The following SEC23A variants were observed in gnomAD, a reference collection of about 807,000 sequenced individuals.
SEC23A encodes SEC23 homolog A, COPII component, also known as protein transport protein Sec23A.
A neutral mutation model predicts 103.7 loss-of-function variants in SEC23A; 56 were observed. That is an observed-to-expected ratio of 0.54 (90% confidence interval 0.44 to 0.67). SEC23A has a LOEUF of 0.67. SEC23A is among the 30% of genes least tolerant of loss of function. The probability of loss-of-function intolerance (pLI) is 0.00; values close to 1 mark genes in which losing one functional copy is unlikely to be tolerated. For missense variants in SEC23A, 784 were observed against 936.4 expected, an observed-to-expected ratio of 0.84 and a Z score of 2.12; for synonymous variants, 281 against 293.0, an observed-to-expected ratio of 0.96 and a Z score of 0.42.
intron 18 of SEC23A, 134 bp downstream of exon 18, chr14:39,040,598 G>C: frequency 1.8e-6 from 2 of 1,141,480 alleles, no homozygotes; most frequent in African/African-American, 1.5e-5. Context: ...AGTAAGCACT[G>C]ATACCTTCCC....
chr14:39,091,090 C>A, intron 5 of SEC23A: 1 of 409,408 alleles, frequency 2.4e-6, no homozygotes, highest in Non-Finnish European at 4.6e-6. Flanking sequence ...GGACTTTGGT[C>A]TTTTTGACTA....
chr14:39,067,547 C>A (rs1415525588), intron 9 of SEC23A, among the ~76,000 whole-genome samples: 2 of 151,200 alleles, frequency 1.3e-5, no homozygotes, highest in East Asian at 1.9e-4. Flanking sequence ...AAAAAAAATT[C>A]TTCTTTAAAT....
intron 8 of SEC23A, among the ~76,000 whole-genome samples, chr14:39,075,030 C>T (rs1242842185): frequency 6.6e-6 from 1 of 151,982 alleles, no homozygotes; most frequent in Non-Finnish European, 1.5e-5. Context: ...TGGCATGAAC[C>T]CAAGAGATGG....
At chr14:39,083,121 G>C (rs561367719) in intron 7 of SEC23A, among the ~76,000 whole-genome samples, 1 of 152,086 alleles carries the variant, frequency 6.6e-6, no homozygotes. Flanking sequence ...AGTTTCAAGG[G>C]GTTGGGACTA....
rs1376419962 is a variant in SEC23A, at chr14:39,032,892, A to G, written c.*347T>C. 5.6e-6 allele frequency: 1 copy of G among 177,766 alleles called. No homozygotes were observed. The highest frequency in any genetic ancestry group is 5.8e-5 in the Admixed American group (1 of 17,226). 11.0% of individuals were successfully genotyped at this position (177,766 alleles called of 1,614,324 possible). Reference sequence around the variant, plus strand: ...AGGAACAAGTTTTTAAAAGGTGAGCAAGAAAATTCAGTGCCACTTTGGGTC... The same window carrying G: ...AGGAACAAGTTTTTAAAAGGTGAGCGAGAAAATTCAGTGCCACTTTGGGTC... On this transcript the variant is annotated 3_prime_UTR_variant, in exon 20 of 20. Coordinates refer to ENST00000307712, the MANE Select transcript of SEC23A (RefSeq NM_006364.4).
chr14:39,046,728 C>T (rs577211672), intron 15 of SEC23A, among the ~76,000 whole-genome samples: 12 of 152,292 alleles, frequency 7.9e-5, no homozygotes, highest in Admixed American at 7.2e-4. Context: ...TCCCTTCCAC[C>T]TACTCCTCAC....
At chr14:39,072,430 A>C (rs923984655) in intron 9 of SEC23A, among the ~76,000 whole-genome samples, 5 of 152,212 alleles carry the variant, frequency 3.3e-5, no homozygotes, top group African/African-American at 1.2e-4. Flanking sequence ...ACATAAAAAG[A>C]TGCTCAACAT....
intron 1 of SEC23A, among the ~76,000 whole-genome samples, chr14:39,096,623 A>G (rs867912288): frequency 2.0e-5 from 3 of 152,200 alleles, no homozygotes; most frequent in Admixed American, 6.6e-5. Flanking sequence ...GCTCTACCCA[A>G]TGTTCACAAG....
At chr14:39,102,070 A>G (rs1594495550) in intron 1 of SEC23A, among the ~76,000 whole-genome samples, 1 of 152,170 alleles carries the variant, frequency 6.6e-6, no homozygotes, top group East Asian at 1.9e-4. Context: ...CGTCTCTACT[A>G]AAGATACAAA....
intron 14 of SEC23A, among the ~76,000 whole-genome samples, chr14:39,052,428 A>G (rs1886098778): frequency 6.6e-6 from 1 of 152,208 alleles, no homozygotes; most frequent in Non-Finnish European, 1.5e-5. Context: ...AAGAATTACA[A>G]TCATCTGAGT....
In SEC23A at chr14:39,046,339, C is replaced by T. The variant is rs552151284; in HGVS notation, c.1738-1015G>A. ...CAAAAAATGATTAGCCGGGTATGGT[C>T]GCATGTGTCTGTAATCTCAGCTACT... On this transcript the variant is annotated intron_variant, in intron 15 of 19. Coordinates refer to ENST00000307712, the MANE Select transcript of SEC23A (RefSeq NM_006364.4). Among the ~76,000 whole-genome samples, 27 of 152,018 alleles carry T rather than the reference C, an allele frequency of 1.8e-4. No individual in the cohort carries two copies. The East Asian group carries it at 5.2e-3, about 29-fold the overall frequency.
intron 8 of SEC23A, 62 bp downstream of exon 8, chr14:39,075,873 T>C: frequency 7.1e-7 from 1 of 1,402,608 alleles, no homozygotes; most frequent in South Asian, 1.2e-5. Context: ...TGTATTCTTC[T>C]TCTGCCAGCA....
intron 6 of SEC23A, among the ~76,000 whole-genome samples, chr14:39,086,605 G>A (rs1251203823): frequency 6.6e-6 from 1 of 152,040 alleles, no homozygotes; most frequent in Non-Finnish European, 1.5e-5. Flanking sequence ...AACCTTAGCG[G>A]GAAAAGCTAC....
chr14:39,085,439 T>C (rs1028803124), intron 7 of SEC23A, among the ~76,000 whole-genome samples: 14 of 152,176 alleles, frequency 9.2e-5, no homozygotes, highest in African/African-American at 2.7e-4. Context: ...GGTGACAACC[T>C]ACTATGTGAC....
chr14:39,092,541 C>T lies in SEC23A; in HGVS notation c.366G>A (p.Leu122=). 6.4e-7 allele frequency: 1 copy of T among 1,569,054 alleles called. No homozygotes were observed. The highest frequency in any genetic ancestry group is 8.8e-7 in the Non-Finnish European group (1 of 1,141,274). The stretch of plus-strand genomic sequence containing the variant: ...TAAATATTTGTTCTTAGGTTCTTAC[C>T]AGAACTACATATTCAATGCTAGAAA... The part of the protein sequence containing the change: ...PQFSSIEYVV[L]RGPQMPLIFL... The change falls in exon 4 of 20, where the codon CTG becomes CTA. Residue 122 remains leucine (L), a splice_region_variant and synonymous_variant. Transcript: ENST00000307712.
intron 1 of SEC23A, among the ~76,000 whole-genome samples, chr14:39,099,306 G>A (rs959094959): frequency 2.0e-5 from 3 of 151,692 alleles, no homozygotes; most frequent in East Asian, 1.9e-4. Context: ...CTACATGCGC[G>A]TGCCACCATA....
chr14:39,101,922 G>GT (rs1888110564), intron 1 of SEC23A, among the ~76,000 whole-genome samples: 1 of 151,988 alleles, frequency 6.6e-6, no homozygotes, highest in Admixed American at 6.6e-5. Flanking sequence ...CTAAAATTCT[G>GT]TAAGTCAATT....
chr14:39,084,961 C>T (rs1887379304), intron 7 of SEC23A, among the ~76,000 whole-genome samples: 1 of 152,132 alleles, frequency 6.6e-6, no homozygotes, highest in African/African-American at 2.4e-5. Flanking sequence ...ATGAGGTGCC[C>T]AGCCAAGAGT....
chr14:39,091,656 C>T lies in SEC23A; in HGVS notation c.424G>A (p.Glu142Lys). 6.2e-7 allele frequency: 1 copy of T among 1,614,038 alleles called. No homozygotes were observed. The highest frequency in any genetic ancestry group is 8.5e-7 in the Non-Finnish European group (1 of 1,179,958). ...LYVVDTCMED[E>K]DLQALKESMQ... Reference sequence around the variant, plus strand: ...GATTCTTTCAGGGCTTGTAAATCTTCATCTTCCATGCAAGTATCAACCACA... The same window carrying T: ...GATTCTTTCAGGGCTTGTAAATCTTTATCTTCCATGCAAGTATCAACCACA... Residue 142 changes from glutamate (E) to lysine (K), a missense_variant, in exon 5 of 20, where the codon GAA (glutamate) becomes AAA (lysine). By Grantham distance (56) the Glu-to-Lys change is moderately conservative. Coordinates refer to ENST00000307712, the MANE Select transcript of SEC23A (RefSeq NM_006364.4).
Sources: gnomAD v4.1 joint callset for allele counts (sites outside exome capture counted in the v4.1 genomes callset) on GRCh38, gnomAD v4.1.1 for gene constraint, MANE v1.5 for transcripts, NCBI Gene and HGNC (gene_info 2026-07-23, HGNC 2026-07-21) for gene names.